ARHGEF28: variants seen among roughly 807,000 people sequenced by gnomAD.
The protein encoded by ARHGEF28 is Rho guanine nucleotide exchange factor 28.
A neutral mutation model predicts 206.6 loss-of-function variants in ARHGEF28; 152 were observed. That is an observed-to-expected ratio of 0.74 (90% CI 0.64 to 0.84). The LOEUF is 0.84. Ranked by LOEUF, ARHGEF28 falls within the 40% of genes least tolerant of loss-of-function variation. The pLI, the probability that ARHGEF28 is intolerant of heterozygous loss-of-function variation, is 0.00. For missense variants in ARHGEF28, 2,028 were observed against 2,073.2 expected (o/e 0.98, Z 0.42); for synonymous variants, 763 against 776.4 (o/e 0.98, Z 0.29).
At chr5:73,762,580 A>C (rs1028527228) in intron 4 of ARHGEF28, among the ~76,000 whole-genome samples, 6 of 152,162 alleles carry the variant, frequency 3.9e-5, no homozygotes, top group African/African-American at 7.2e-5. Context: ...AGATACAGGT[A>C]TATAAGTATT....
chr5:73,904,546 G>T, intron 33 of ARHGEF28, 141 bp downstream of exon 33: 1 of 884,754 alleles, frequency 1.1e-6, no homozygotes, highest in Non-Finnish European at 1.7e-6. Flanking sequence ...TAAGTGTGAT[G>T]TGTTGGACTC....
At chr5:73,869,226 G>GT (rs1260099060) in intron 20 of ARHGEF28, among the ~76,000 whole-genome samples, 44 of 130,794 alleles carry the variant, frequency 3.4e-4, no homozygotes, top group Non-Finnish European at 5.8e-4. Context: ...GTGGGGTGGA[G>GT]GGGGGTGGGG....
intron 1 of ARHGEF28, among the ~76,000 whole-genome samples, chr5:73,655,273 G>C (rs989842311): frequency 7.9e-5 from 12 of 152,176 alleles, no homozygotes; most frequent in African/African-American, 2.9e-4. Flanking sequence ...ATGGTTCACA[G>C]GTCAACATGT....
intron 2 of ARHGEF28, among the ~76,000 whole-genome samples, chr5:73,740,426 G>C (rs918336420): frequency 6.6e-6 from 1 of 152,152 alleles, no homozygotes; most frequent in African/African-American, 2.4e-5. Context: ...TCTTAGTAGT[G>C]CTTGTTCCTC....
chr5:73,940,713 T>A (rs548396246), intron 35 of ARHGEF28, 131 bp from the exon 36 acceptor site: 1 of 690,072 alleles, frequency 1.4e-6, no homozygotes, highest in East Asian at 3.4e-5. Flanking sequence ...TCCTTTCTCA[T>A]TGGGCTTGGC....
chr5:73,668,911 C>CT (rs1226039369), intron 1 of ARHGEF28, among the ~76,000 whole-genome samples: 5 of 152,182 alleles, frequency 3.3e-5, no homozygotes, highest in Admixed American at 3.3e-4. Flanking sequence ...TATTGCCCCA[C>CT]TTCAAACGCT....
At position 73,650,093 on chromosome 5, in the gene ARHGEF28, T is replaced by C. The variant is rs567933696; in HGVS notation, c.-12+23771T>C. On this transcript the variant is annotated intron_variant, in intron 1 of 35. Transcript: ENST00000513042. ...TGGAATTCTTAAACAGGAACCCTGA[T>C]TCTCCTGGGAAACACGGCTAAACAT... 5.3e-5 allele frequency among the ~76,000 whole-genome samples: 8 copies of C among 152,242 alleles called. No individual in the cohort carries two copies. The East Asian group carries it at 1.5e-3, about 29-fold the overall frequency.
intron 2 of ARHGEF28, among the ~76,000 whole-genome samples, chr5:73,714,818 C>T (rs1749474754): frequency 6.6e-6 from 1 of 152,162 alleles, no homozygotes; most frequent in African/African-American, 2.4e-5. Flanking sequence ...CTGGTCATTA[C>T]CCTCTCCAAA....
chr5:73,700,988 C>T (rs957131264), intron 2 of ARHGEF28, among the ~76,000 whole-genome samples: 1 of 152,216 alleles, frequency 6.6e-6, no homozygotes, highest in East Asian at 1.9e-4. Flanking sequence ...TAATGCAGTT[C>T]TCTGTTTTTA....
Position 73,766,021 on chromosome 5 carries a change from G to A in ARHGEF28, c.476-7834G>A, listed in dbSNP as rs556299121. Among the ~76,000 whole-genome samples the A allele has an allele frequency of 1.5e-3, 223 of 151,932 alleles. 1 individual carries two copies. The highest frequency in any genetic ancestry group is 4.6e-3 in the African/African-American group (191 of 41,488). On this transcript the variant is annotated intron_variant, in intron 4 of 35. Transcript: ENST00000513042. ...CAAAAAATTAGCCAGGCGCAGTGGC[G>A]GGTGCCTGTAGTCCCAGCTACTCGG... is the stretch of plus-strand genomic sequence containing the variant.
At chr5:73,911,613 C>A in intron 35 of ARHGEF28, 38 bp downstream of exon 35, 1 of 1,528,762 alleles carries the variant, frequency 6.5e-7, no homozygotes, top group Non-Finnish European at 8.8e-7. Flanking sequence ...ATAGTTTGAA[C>A]AAGAAGTTGT....
At chr5:73,779,388 G>A (rs1394285157) in intron 6 of ARHGEF28, among the ~76,000 whole-genome samples, 2 of 152,034 alleles carry the variant, frequency 1.3e-5, no homozygotes, top group African/African-American at 2.4e-5. Context: ...GTTTTTCAAG[G>A]TATATTCAAA....
chr5:73,812,569 T>C (rs959497650), intron 9 of ARHGEF28, among the ~76,000 whole-genome samples: 3 of 152,160 alleles, frequency 2.0e-5, no homozygotes, highest in South Asian at 4.1e-4. Context: ...GGCATGGATA[T>C]CTATGTGCCT....
chr5:73,826,829 A>G (rs1371706716), intron 9 of ARHGEF28, among the ~76,000 whole-genome samples: 3 of 152,206 alleles, frequency 2.0e-5, no homozygotes, highest in Non-Finnish European at 2.9e-5. Context: ...TAGTACAGGA[A>G]GGATGGGCTG....
chr5:73,832,113 G>A (rs924516991), intron 9 of ARHGEF28, among the ~76,000 whole-genome samples: 11 of 152,234 alleles, frequency 7.2e-5, no homozygotes, highest in African/African-American at 2.4e-4. Context: ...GCTTGAAGTG[G>A]GCAAATATTT....
intron 11 of ARHGEF28, among the ~76,000 whole-genome samples, chr5:73,845,116 C>T (rs1758246095): frequency 7.0e-6 from 1 of 143,644 alleles, no homozygotes. Flanking sequence ...CTCCTGGGTT[C>T]ACGCCATTTT....
intron 35 of ARHGEF28, among the ~76,000 whole-genome samples, chr5:73,918,250 C>T (rs182952413): frequency 4.5e-4 from 69 of 152,286 alleles, no homozygotes; most frequent in African/African-American, 1.6e-3. Flanking sequence ...TACAACTAGT[C>T]AACTCTGTCA....
At chr5:73,936,395 A>C (rs1452141551) in intron 35 of ARHGEF28, among the ~76,000 whole-genome samples, 1 of 152,228 alleles carries the variant, frequency 6.6e-6, no homozygotes, top group Non-Finnish European at 1.5e-5. Context: ...CCTTAAAAAC[A>C]TGATTTTGAA....
intron 9 of ARHGEF28, among the ~76,000 whole-genome samples, chr5:73,828,698 TTCTC>T (rs974848444): frequency 2.0e-5 from 3 of 151,590 alleles, no homozygotes; most frequent in African/African-American, 7.3e-5. Context: ...TTCTCTTTCT[TTCTC>T]TCTGTCTCTT....
Sources: gnomAD v4.1 joint callset for allele counts (sites outside exome capture counted in the v4.1 genomes callset) on GRCh38, gnomAD v4.1.1 for gene constraint, MANE v1.5 for transcripts, NCBI Gene and HGNC (gene_info 2026-07-23, HGNC 2026-07-21) for gene names.